Variants in MINDY2 observed in about 807,000 individuals in gnomAD.
MINDY2 encodes MINDY lysine 48 deubiquitinase 2, also known as ubiquitin carboxyl-terminal hydrolase MINDY-2.
Under a neutral mutation model 68.2 loss-of-function variants are expected in MINDY2, and 52 were observed. The observed-to-expected ratio is 0.76, with a 90% CI of 0.61 to 0.96. MINDY2 has a LOEUF of 0.96. MINDY2 is among the 40% of genes least tolerant of loss of function. The pLI is 0.00. For synonymous variants in MINDY2, 372 were observed against 303.0 expected (o/e 1.23, Z -2.36); for missense variants, 881 against 773.4 (o/e 1.14, Z -1.65).
chr15:58,805,314 A>G (rs1902942844), intron 3 of MINDY2, among the ~76,000 whole-genome samples: 1 of 152,132 alleles, frequency 6.6e-6, no homozygotes, highest in Admixed American at 6.6e-5. Flanking sequence ...TTTTTGTGTA[A>G]TTTTACGTGA....
chr15:58,786,807 T>G (rs1901533272), intron 1 of MINDY2, among the ~76,000 whole-genome samples: 1 of 152,152 alleles, frequency 6.6e-6, no homozygotes, highest in South Asian at 2.1e-4. Flanking sequence ...CTTGATTTTT[T>G]ATAGCGTCCG....
intron 5 of MINDY2, among the ~76,000 whole-genome samples, chr15:58,823,227 T>C (rs1477389162): frequency 6.7e-6 from 1 of 150,196 alleles, no homozygotes; most frequent in African/African-American, 2.4e-5. Context: ...AACCTCCGCC[T>C]CCCAGGATGA....
At chr15:58,807,353 CTTTTTTTTTTT>C (rs58768604) in intron 3 of MINDY2, among the ~76,000 whole-genome samples, 1 of 109,056 alleles carries the variant, frequency 9.2e-6, no homozygotes, top group African/African-American at 3.7e-5. Flanking sequence ...TTAAAATAGT[CTTTTTTTTTTT>C]TTTTTTTTTG....
rs2031395336 is a variant in MINDY2, at chr15:58,826,352, C to T, written c.1225+4533C>T. 2.6e-5 allele frequency among the ~76,000 whole-genome samples: 4 copies of T among 151,714 alleles called. No homozygotes were observed. The South Asian group carries it at 6.3e-4, about 24-fold the overall frequency. On this transcript the variant is annotated intron_variant, in intron 5 of 8. Coordinates refer to ENST00000559228, the MANE Select transcript of MINDY2 (RefSeq NM_001040450.3). ...TCAAGCGATTCTCCTTCCTCGGCCT[C>T]CCAAGTAGCTGGGATCACAGGCATG...
At chr15:58,818,224 G>A (rs535007239) in intron 4 of MINDY2, among the ~76,000 whole-genome samples, 4 of 152,150 alleles carry the variant, frequency 2.6e-5, no homozygotes, top group African/African-American at 7.2e-5. Context: ...GCATGTAGTA[G>A]TATGTAATAG....
intron 4 of MINDY2, among the ~76,000 whole-genome samples, chr15:58,819,045 C>T (rs2030889149): frequency 6.6e-6 from 1 of 152,120 alleles, no homozygotes; most frequent in Non-Finnish European, 1.5e-5. Flanking sequence ...GTAGCATGAT[C>T]ATAGCTCATT....
chr15:58,805,636 T>C (rs972905992), intron 3 of MINDY2, among the ~76,000 whole-genome samples: 3 of 152,218 alleles, frequency 2.0e-5, no homozygotes, highest in Non-Finnish European at 4.4e-5. Context: ...TCCCTTCTTG[T>C]GAGGTAAGCA....
intron 6 of MINDY2, among the ~76,000 whole-genome samples, chr15:58,842,827 G>A (rs2032346464): frequency 6.6e-6 from 1 of 152,046 alleles, no homozygotes; most frequent in African/African-American, 2.4e-5. Context: ...AATGGCTGAG[G>A]GAACATGTAA....
intron 1 of MINDY2, among the ~76,000 whole-genome samples, chr15:58,775,637 C>T (rs115778696): frequency 6.6e-6 from 1 of 152,054 alleles, no homozygotes; most frequent in African/African-American, 2.4e-5. Context: ...CCAATGATGA[C>T]TATAAGAAGT....
At position 58,854,521 on chromosome 15, in the gene MINDY2, C is replaced by T; in HGVS notation, c.1777C>T (p.Gln593Ter). Residue 593 changes from glutamine to a stop codon, truncating the protein, a stop_gained, in exon 9 of 9, where the codon CAA (glutamine) becomes TAA (stop). Coordinates refer to ENST00000559228, the MANE Select transcript of MINDY2 (RefSeq NM_001040450.3). LOFTEE classifies it high-confidence loss of function. ...PAQASPSSGR[Q>*]SGNSERKRKE... ...ACAAGCCTCTCCATCAAGTGGAAGA[C>T]AATCTGGGAATAGTGAACGTAAACG... 2 of 1,613,404 alleles carry T rather than the reference C, an allele frequency of 1.2e-6. No homozygotes were observed. Among genetic ancestry groups the T allele is most frequent in the Middle Eastern group, 1.7e-4 (1 of 6,060 alleles).
rs1462394469 is a variant in MINDY2, at chr15:58,857,202, T to C, written c.*2592T>C. 6.6e-6 allele frequency: 1 copy of C among 152,196 alleles called. No homozygotes were observed. The highest frequency in any genetic ancestry group is 1.5e-5 in the Non-Finnish European group (1 of 68,028). 9.4% of individuals were successfully genotyped at this position (152,196 alleles called of 1,614,324 possible). A position where few individuals can be genotyped will look rare whatever the true frequency, so the allele number is the denominator to read the frequency against. Reference sequence around the variant, plus strand: ...GGGGGAAAGATGAAATGTTCAATTGTATTAAAACAAACAAGCTTTTCAGAG... The same window carrying C: ...GGGGGAAAGATGAAATGTTCAATTGCATTAAAACAAACAAGCTTTTCAGAG... On this transcript the variant is annotated 3_prime_UTR_variant, in exon 9 of 9. Coordinates refer to ENST00000559228, the MANE Select transcript of MINDY2 (RefSeq NM_001040450.3).
Position 58,851,938 on chromosome 15 carries a change from T to G in MINDY2, c.1710T>G (p.Ala570=). The change falls in exon 8 of 9, where the codon GCT becomes GCG. Residue 570 remains alanine (A), a synonymous_variant. Transcript: ENST00000559228. ...YYQEQEQAAA[A]AAAASTQAQQ... ...AGGAACAGGAACAAGCAGCAGCTGC[T>G]GCTGCTGCTGCTTCTACACAGGCTC... 1 of 1,585,804 alleles carries G rather than the reference T, an allele frequency of 6.3e-7. No homozygotes were observed. Among genetic ancestry groups the G allele is most frequent in the Non-Finnish European group, 8.5e-7 (1 of 1,171,730 alleles).
intron 5 of MINDY2, among the ~76,000 whole-genome samples, chr15:58,829,213 A>G (rs1280455572): frequency 6.6e-6 from 1 of 152,256 alleles, no homozygotes; most frequent in Non-Finnish European, 1.5e-5. Context: ...ATTTAAAACT[A>G]GGTTAGCCTT....
At chr15:58,773,242 G>C (rs1900559232) in intron 1 of MINDY2, among the ~76,000 whole-genome samples, 2 of 152,116 alleles carry the variant, frequency 1.3e-5, no homozygotes, top group African/African-American at 4.8e-5. Context: ...CTTGAGCCCA[G>C]AAGTTTGAGA....
intron 3 of MINDY2, among the ~76,000 whole-genome samples, chr15:58,803,621 A>G (rs1309149975): frequency 6.6e-6 from 1 of 152,070 alleles, no homozygotes; most frequent in Non-Finnish European, 1.5e-5. Context: ...GTTCGAGACC[A>G]GCTGTTCAAC....
intron 4 of MINDY2, among the ~76,000 whole-genome samples, chr15:58,810,856 C>T (rs569232310): frequency 6.6e-6 from 1 of 152,234 alleles, no homozygotes; most frequent in Non-Finnish European, 1.5e-5. Flanking sequence ...CTCAGGACAT[C>T]ATACCCTCCT....
At position 58,835,366 on chromosome 15, in the gene MINDY2, C is replaced by A. The variant is rs62002455; in HGVS notation, c.1368+3450C>A. On this transcript the variant is annotated intron_variant, in intron 6 of 8. Transcript: ENST00000559228. Reference sequence around the variant, plus strand: ...TAAGAAGGTCACATTTAAAATGATACCTGAGGCTGGGTGCGGTGTCTCACG... The same window carrying A: ...TAAGAAGGTCACATTTAAAATGATAACTGAGGCTGGGTGCGGTGTCTCACG... Among the ~76,000 whole-genome samples, 6 of 151,992 alleles carry A rather than the reference C, an allele frequency of 3.9e-5. No individual in the cohort carries two copies. The East Asian group carries it at 1.2e-3, about 29-fold the overall frequency.
chr15:58,776,104 C>A (rs1242327003), intron 1 of MINDY2, among the ~76,000 whole-genome samples: 1 of 151,952 alleles, frequency 6.6e-6, no homozygotes, highest in Non-Finnish European at 1.5e-5. Flanking sequence ...AGGTGATCCA[C>A]CTGCAAGAGG....
chr15:58,847,292 T>C lies in MINDY2; in HGVS notation c.1369-5T>C, dbSNP rs2032583024. ...GTCCTTTTTCTTTTGTTACTTCTTA[T>C]TAAGGGTCAACTGTATTTGTTGGTA... On this transcript the variant is annotated splice_polypyrimidine_tract_variant and splice_region_variant and intron_variant, in intron 6 of 8. Transcript: ENST00000559228. 7 of 1,547,610 alleles carry C rather than the reference T, an allele frequency of 4.5e-6. No homozygotes were observed. The highest frequency in any genetic ancestry group is 1.4e-5 in the African/African-American group (1 of 73,118).
Sources: gnomAD v4.1 joint callset for allele counts (sites outside exome capture counted in the v4.1 genomes callset) on GRCh38, gnomAD v4.1.1 for gene constraint, MANE v1.5 for transcripts, NCBI Gene and HGNC (gene_info 2026-07-23, HGNC 2026-07-21) for gene names.